PLEKHA4: variants seen among roughly 807,000 people sequenced by gnomAD.
PLEKHA4 encodes the protein pleckstrin homology domain containing A4, also known as pleckstrin homology domain-containing family A member 4.
PLEKHA4 carries 73 observed loss-of-function variants against 94.7 expected under a neutral mutation model. The observed-to-expected ratio is 0.77, with a 90% CI of 0.64 to 0.94. PLEKHA4 has a LOEUF of 0.94. Among genes scored for constraint, PLEKHA4 ranks in the 40% least tolerant of loss-of-function variants. The pLI, the probability that PLEKHA4 is intolerant of heterozygous loss-of-function variation, is 0.00. For synonymous variants in PLEKHA4, 449 were observed against 437.1 expected, an observed-to-expected ratio of 1.03 and a Z score of -0.34; for missense variants, 1,049 against 1,054.1, an observed-to-expected ratio of 1.00 and a Z score of 0.07.
Position 48,837,177 on chromosome 19 carries a change from G to GC in PLEKHA4, c.*111dup. On this transcript the variant is annotated 3_prime_UTR_variant, in exon 20 of 20. Transcript: ENST00000263265. This position sits in a 1 kb window ranked among gnomAD's most constrained non-coding sequence, Gnocchi z 4.3. ...GCCATAGAAACCATTCCCCTCCCGG[G>GC]CCCGCAATGGGGACCAGACCACGCC... is the stretch of plus-strand genomic sequence containing the variant. The GC allele has an allele frequency of 2.0e-6, 3 of 1,482,308 alleles. No individual in the cohort carries two copies. The highest frequency in any genetic ancestry group is 9.3e-7 in the Non-Finnish European group (1 of 1,073,010). 91.8% of individuals were successfully genotyped at this position (1,482,308 alleles called of 1,614,324 possible).
rs778215126 is a variant in PLEKHA4, at chr19:48,865,522, C to T, written c.173G>A (p.Arg58Gln). The change falls in exon 3 of 20, where the codon CGA becomes CAA. Residue 58 changes from arginine to glutamine, a missense_variant. Physicochemically the swap from Arg to Gln is conservative, Grantham distance 43. Transcript: ENST00000263265. ...CCCCACCTGCTTATGAAGCCAGCCT[C>T]GGATGTGCACGGGAAGGTTGGGATC... ...RRDPNLPVHI[R>Q]GWLHKQDSSG... is the part of the protein sequence containing the mutation. 1.1e-5 allele frequency: 17 copies of T among 1,613,884 alleles called. No homozygotes were observed. Among genetic ancestry groups the T allele is most frequent in the Middle Eastern group, 1.6e-4 (1 of 6,082 alleles).
rs2122844895 is a variant in PLEKHA4 at position 48,837,524 on chromosome 19, G to A, written c.2105C>T (p.Pro702Leu). Residue 702 changes from proline (P) to leucine (L), a missense_variant, in exon 20 of 20, where the codon CCT (proline) becomes CTT (leucine). Physicochemically the swap from Pro to Leu is moderately conservative, Grantham distance 98. Transcript: ENST00000263265. The surrounding 1 kb of genome is among the most constrained non-coding windows in gnomAD (Gnocchi z 4.3). ...AGGAGGCAGCGGCACACCGGGAAGA[G>A]GGTCTCCCTGGGAGTCCAAATTTCC... ...TGGNLDSQGD[P>L]LPGVPLPPSD... 1 of 1,613,214 alleles carries A rather than the reference G, an allele frequency of 6.2e-7. No individual in the cohort carries two copies. The highest frequency in any genetic ancestry group is 8.5e-7 in the Non-Finnish European group (1 of 1,179,666).
At chr19:48,854,707 T>G (rs2036337913) in intron 9 of PLEKHA4, among the ~76,000 whole-genome samples, 1 of 140,094 alleles carries the variant, frequency 7.1e-6, no homozygotes, top group Non-Finnish European at 1.5e-5. Flanking sequence ...TTTTTTTTTT[T>G]TTTTTTTTTT....
chr19:48,839,139 G>A (rs55966626), intron 18 of PLEKHA4, 66 bp downstream of exon 18: 3 of 1,113,770 alleles, frequency 2.7e-6, no homozygotes, highest in Non-Finnish European at 3.9e-6. Flanking sequence ...TAATAATAAT[G>A]CTACTCCCCT....
intron 3 of PLEKHA4, among the ~76,000 whole-genome samples, chr19:48,863,571 C>T (rs181229136): frequency 6.6e-4 from 101 of 151,942 alleles, no homozygotes; most frequent in African/African-American, 2.3e-3. Context: ...GCTGGGACTG[C>T]AGGCGACCAC....
At chr19:48,860,897 AAT>A (rs200039398) in intron 5 of PLEKHA4, among the ~76,000 whole-genome samples, 2 of 119,248 alleles carry the variant, frequency 1.7e-5, no homozygotes, top group Non-Finnish European at 2.1e-5. Context: ...AGGAAAGGAA[AAT>A]GGAAAGGAAA....
chr19:48,845,708 TG>T, intron 14 of PLEKHA4, 92 bp from the exon 15 acceptor site: 1 of 1,085,854 alleles, frequency 9.2e-7, no homozygotes, highest in Non-Finnish European at 1.3e-6. Flanking sequence ...GAATACAGTC[TG>T]AATAGGATTC....
intron 9 of PLEKHA4, among the ~76,000 whole-genome samples, chr19:48,855,469 T>A (rs2036366674): frequency 6.6e-6 from 1 of 151,942 alleles, no homozygotes; most frequent in Non-Finnish European, 1.5e-5. Context: ...CCAGGCGTAG[T>A]GACGGGCGCC....
At chr19:48,846,597 T>C (rs997247489) in intron 14 of PLEKHA4, among the ~76,000 whole-genome samples, 15 of 151,592 alleles carry the variant, frequency 9.9e-5, no homozygotes, top group African/African-American at 2.9e-4. Context: ...GGAGACCCCG[T>C]CTCTACAAAA....
intron 9 of PLEKHA4, among the ~76,000 whole-genome samples, chr19:48,856,588 C>T (rs539681125): frequency 1.3e-4 from 19 of 151,896 alleles, no homozygotes; most frequent in Middle Eastern, 6.8e-3. Context: ...CATGGTGGCA[C>T]GTGCCTGTAA....
chr19:48,858,687 G>A (rs910802987), intron 8 of PLEKHA4, among the ~76,000 whole-genome samples, 173 bp downstream of exon 8: 15 of 146,246 alleles, frequency 1.0e-4, no homozygotes, highest in African/African-American at 4.0e-4. Context: ...CCAGACACCT[G>A]AGAGGAGCTG....
rs372212811 is a variant in PLEKHA4 at position 48,852,083 on chromosome 19, G to T, written c.1425+145C>A. On this transcript the variant is annotated intron_variant, in intron 13 of 19. Transcript: ENST00000263265. ...AGGGCATGGTCTTAACTAAAATAAG[G>T]GGCTTAGATTGAAAGGACAGAAAGG... The T allele has an allele frequency of 2.4e-4, 146 of 604,388 alleles. 1 individual carries two copies. Among genetic ancestry groups the T allele is most frequent in the South Asian group, 1.6e-3 (73 of 46,418 alleles). 37.4% of individuals were successfully genotyped at this position (604,388 alleles called of 1,614,324 possible).
rs375107307 is a variant in PLEKHA4, at chr19:48,859,471, G to A, written c.690C>T (p.Pro230=). The A allele has an allele frequency of 1.5e-5, 25 of 1,613,480 alleles. No individual in the cohort carries two copies. In the South Asian group the frequency reaches 1.8e-4, roughly 11 times the overall value. ...ACAACCATGTCCTCCCTACTCACTCGGGGCTCCTCGCCCTCCGCATCTGGA... is the reference window on the plus strand; with the variant it reads ...ACAACCATGTCCTCCCTACTCACTCAGGGCTCCTCGCCCTCCGCATCTGGA... ...SGLQMRRARS[P]DLFTPLSRPP... is the part of the protein sequence containing the mutation. Residue 230 remains proline (P), a splice_region_variant and synonymous_variant, in exon 7 of 20, where the codon CCC becomes CCT. Coordinates refer to ENST00000263265, the MANE Select transcript of PLEKHA4 (RefSeq NM_020904.3).
At chr19:48,850,586 G>A (rs1471409472) in intron 13 of PLEKHA4, among the ~76,000 whole-genome samples, 1 of 152,188 alleles carries the variant, frequency 6.6e-6, no homozygotes, top group Admixed American at 6.6e-5. Context: ...GGGAAGCTGA[G>A]GCGGGTGGAT....
chr19:48,837,186 G>T lies in PLEKHA4; in HGVS notation c.*103C>A, dbSNP rs2035557265. 8.4e-6 allele frequency: 13 copies of T among 1,542,808 alleles called. No individual in the cohort carries two copies. The Admixed American group carries it at 1.4e-4, about 17-fold the overall frequency. On this transcript the variant is annotated 3_prime_UTR_variant, in exon 20 of 20. Transcript: ENST00000263265. The surrounding 1 kb of genome is among the most constrained non-coding windows in gnomAD (Gnocchi z 4.3). Reference sequence around the variant, plus strand: ...ACCATTCCCCTCCCGGGCCCGCAATGGGGACCAGACCACGCCCCCTGATGC... The same window carrying T: ...ACCATTCCCCTCCCGGGCCCGCAATTGGGACCAGACCACGCCCCCTGATGC...
At position 48,838,053 on chromosome 19, in the gene PLEKHA4, C is replaced by A; in HGVS notation, c.2041G>T (p.Ala681Ser). Reference sequence around the variant, plus strand: ...CTGTGCCACTGCGACGCCTCAGTAGCCAGGGCTTGGGAGAGGCTGAGAACC... The same window carrying A: ...CTGTGCCACTGCGACGCCTCAGTAGACAGGGCTTGGGAGAGGCTGAGAACC... ...ERVLSLSQAL[A>S]TEASQWHRMM... Residue 681 changes from alanine (A) to serine (S), a missense_variant, in exon 19 of 20, where the codon GCT becomes TCT. Coordinates refer to ENST00000263265, the MANE Select transcript of PLEKHA4 (RefSeq NM_020904.3). The A allele has an allele frequency of 6.2e-7, 1 of 1,613,742 alleles. No individual in the cohort carries two copies. The highest frequency in any genetic ancestry group is 1.1e-5 in the South Asian group (1 of 91,056).
chr19:48,849,304 TG>T (rs1273836994), intron 13 of PLEKHA4, among the ~76,000 whole-genome samples: 2 of 151,944 alleles, frequency 1.3e-5, no homozygotes, highest in African/African-American at 4.8e-5. Flanking sequence ...TTTTGTTTTT[TG>T]GGGTTGTTGT....
chr19:48,838,243 C>A, intron 18 of PLEKHA4, 114 bp from the exon 19 acceptor site: 1 of 585,700 alleles, frequency 1.7e-6, no homozygotes, highest in Non-Finnish European at 3.1e-6. Flanking sequence ...GATAGCACAA[C>A]AGAATGACTA....
chr19:48,854,576 G>A (rs910034003), intron 9 of PLEKHA4, among the ~76,000 whole-genome samples: 1 of 151,888 alleles, frequency 6.6e-6, no homozygotes, highest in Non-Finnish European at 1.5e-5. Flanking sequence ...GGTTTTGGTA[G>A]CGATGGGGTT....
Sources: allele counts gnomAD v4.1 joint callset (sites outside exome capture counted in the v4.1 genomes callset), GRCh38; gene constraint gnomAD v4.1.1; non-coding constraint Gnocchi (gnomAD v3.1); transcripts MANE v1.5; gene names NCBI Gene and HGNC (gene_info 2026-07-23, HGNC 2026-07-21).